ATP5F1A: variants seen among roughly 807,000 people sequenced by gnomAD.
ATP5F1A encodes the protein ATP synthase F(1) complex subunit alpha, mitochondrial.
ATP5F1A carries 24 observed loss-of-function variants against 57.4 expected under a neutral mutation model. That is an observed-to-expected ratio of 0.42 (90% CI 0.30 to 0.59). ATP5F1A has a LOEUF of 0.59. Ranked by LOEUF, ATP5F1A falls within the 20% of genes least tolerant of loss-of-function variation. The pLI is 0.19. For synonymous variants in ATP5F1A, 251 were observed against 255.5 expected (o/e 0.98, Z 0.17); for missense variants, 494 against 707.9 (o/e 0.70, Z 3.43).
At position 46,094,699 on chromosome 18, in the gene ATP5F1A, A is replaced by G. The variant is rs543120326; in HGVS notation, c.139+354T>C. Reference sequence around the variant, plus strand: ...AGAAAACGAATAAGAAAACCTATCAATAAGAACTTACATTTTTTCTAATGC... The same window carrying G: ...AGAAAACGAATAAGAAAACCTATCAGTAAGAACTTACATTTTTTCTAATGC... On this transcript the variant is annotated intron_variant, in intron 2 of 11. Coordinates refer to ENST00000398752, the MANE Select transcript of ATP5F1A (RefSeq NM_004046.6). 8.4e-5 allele frequency: 14 copies of G among 166,886 alleles called. No individual in the cohort carries two copies. The South Asian group carries it at 1.8e-3, about 21-fold the overall frequency. The allele number at this position is 166,886 out of a possible 1,614,324, so 10.3% of individuals were successfully genotyped here.
At chr18:46,092,299 A>T (rs1027759169) in intron 2 of ATP5F1A, 1 of 151,098 alleles carries the variant, frequency 6.6e-6, no homozygotes, top group Non-Finnish European at 1.5e-5. Flanking sequence ...TGATCATAAT[A>T]ATCCAAATAT....
rs1356586324 is a variant in ATP5F1A at position 46,083,206 on chromosome 18, A to C, written c.*1076T>G. 1 of 151,996 alleles carries C rather than the reference A, an allele frequency of 6.6e-6. No homozygotes were observed. 9.4% of individuals were successfully genotyped at this position (151,996 alleles called of 1,614,324 possible). A position where few individuals can be genotyped will look rare whatever the true frequency, so the allele number is the denominator to read the frequency against. ...TGTAATCCCAGCACTTTGGGAGACC[A>C]AGGCAGGAGGATCACTTGAGCCAAG... On this transcript the variant is annotated 3_prime_UTR_variant, in exon 12 of 12. Transcript: ENST00000398752.
At chr18:46,091,499 A>G (rs1676715012) in intron 3 of ATP5F1A, among the ~76,000 whole-genome samples, 183 bp downstream of exon 3, 1 of 152,216 alleles carries the variant, frequency 6.6e-6, no homozygotes, top group Admixed American at 6.5e-5. Flanking sequence ...CCTAGAGTAA[A>G]AAAACTTGGC....
At position 46,080,575 on chromosome 18, in the gene ATP5F1A, A is replaced by C. The variant is rs1276805091; in HGVS notation, c.*3707T>G. 6.6e-6 allele frequency: 1 copy of C among 152,148 alleles called. No individual in the cohort carries two copies. Among genetic ancestry groups the C allele is most frequent in the Non-Finnish European group, 1.5e-5 (1 of 68,056 alleles). The allele number at this position is 152,148 out of a possible 1,614,324, so 9.4% of individuals were successfully genotyped here. A position where few individuals can be genotyped will look rare whatever the true frequency, so the allele number is the denominator to read the frequency against. On this transcript the variant is annotated 3_prime_UTR_variant, in exon 12 of 12. Coordinates refer to ENST00000398752, the MANE Select transcript of ATP5F1A (RefSeq NM_004046.6). Reference sequence around the variant, plus strand: ...CTATAGCTCAGCAAAAACACCAGGGAAAGGACTATACAGTTTTAGGGGAGA... The same window carrying C: ...CTATAGCTCAGCAAAAACACCAGGGCAAGGACTATACAGTTTTAGGGGAGA...
upstream of ATP5F1A, chr18:46,098,523 C>A (rs1252032160): frequency 1.6e-6 from 1 of 640,970 alleles, no homozygotes; most frequent in Non-Finnish European, 1.9e-6. Flanking sequence ...TTTGAGTCGA[C>A]CTTGTGGTTG....
In ATP5F1A at chr18:46,080,889, G is replaced by A. The variant is rs1184809895; in HGVS notation, c.*3393C>T. The A allele has an allele frequency of 2.0e-5, 3 of 151,718 alleles. No individual in the cohort carries two copies. The highest frequency in any genetic ancestry group is 2.9e-5 in the Non-Finnish European group (2 of 67,964). 9.4% of individuals were successfully genotyped at this position (151,718 alleles called of 1,614,324 possible). The stretch of plus-strand genomic sequence containing the variant: ...TCACGCCTGTAATCCCAGCACTTTA[G>A]GAGGTCGAGGCACGTGGATCATCTA... On this transcript the variant is annotated 3_prime_UTR_variant, in exon 12 of 12. Coordinates refer to ENST00000398752, the MANE Select transcript of ATP5F1A (RefSeq NM_004046.6).
intron 2 of ATP5F1A, among the ~76,000 whole-genome samples, chr18:46,094,322 G>A (rs902180783): frequency 4.6e-5 from 7 of 152,024 alleles, no homozygotes; most frequent in Admixed American, 1.3e-4. Context: ...CATCTGTAAT[G>A]TGCAAGTTCA....
upstream of ATP5F1A, among the ~76,000 whole-genome samples, chr18:46,100,487 G>A (rs1294575688): frequency 6.6e-6 from 1 of 152,092 alleles, no homozygotes; most frequent in Non-Finnish European, 1.5e-5. Context: ...GCTCATGCCT[G>A]TAATCCCAAC....
intron 1 of ATP5F1A, among the ~76,000 whole-genome samples, chr18:46,095,683 C>T (rs1399484220): frequency 1.3e-5 from 2 of 151,632 alleles, no homozygotes; most frequent in Admixed American, 6.6e-5. Flanking sequence ...GTGGCTCAAT[C>T]ACGGCTCACT....
intron 5 of ATP5F1A, 102 bp downstream of exon 5, chr18:46,089,464 A>T: frequency 2.2e-6 from 3 of 1,348,412 alleles, no homozygotes; most frequent in Non-Finnish European, 3.1e-6. Flanking sequence ...CTCGTATTAG[A>T]TTCTAATGTC....
upstream of ATP5F1A, chr18:46,099,326 C>T (rs958845718): frequency 6.6e-6 from 1 of 151,066 alleles, no homozygotes; most frequent in East Asian, 1.9e-4. Flanking sequence ...TTTTTTTTCT[C>T]CACAGAATTA....
intron 2 of ATP5F1A, among the ~76,000 whole-genome samples, chr18:46,094,164 T>C (rs8089943): frequency 1.9e-4 from 29 of 149,040 alleles, no homozygotes; most frequent in African/African-American, 4.2e-4. Flanking sequence ...TGTGTACACA[T>C]ACACACACAC....
upstream of ATP5F1A, among the ~76,000 whole-genome samples, chr18:46,099,106 A>T (rs1414989322): frequency 6.6e-6 from 1 of 152,190 alleles, no homozygotes; most frequent in Admixed American, 6.5e-5. Flanking sequence ...AATTAAAAAA[A>T]ATATATCAAC....
intron 1 of ATP5F1A, among the ~76,000 whole-genome samples, chr18:46,096,500 CAAAAA>C (rs770383471): frequency 3.1e-4 from 22 of 70,646 alleles, no homozygotes; most frequent in Non-Finnish European, 4.2e-4. Context: ...AACTCCGTCT[CAAAAA>C]AAAAAAAAAA....
intron 5 of ATP5F1A, 29 bp downstream of exon 5, chr18:46,089,537 G>C (rs1030905058): frequency 1.9e-6 from 3 of 1,609,472 alleles, no homozygotes; most frequent in Non-Finnish European, 2.5e-6. Context: ...ATTTTAGTTA[G>C]AACTTTTAAT....
chr18:46,085,465 C>T (rs948353012), intron 10 of ATP5F1A: 7 of 150,604 alleles, frequency 4.6e-5, no homozygotes, highest in African/African-American at 1.7e-4. Context: ...CCTGTCTCTA[C>T]AAAATACAAA....
intron 2 of ATP5F1A, among the ~76,000 whole-genome samples, chr18:46,092,534 G>C (rs1910640165): frequency 6.6e-6 from 1 of 151,472 alleles, no homozygotes; most frequent in African/African-American, 2.4e-5. Context: ...CTTGAACCTG[G>C]GAGGTGGAAG....
rs748169393 is a variant in ATP5F1A, at chr18:46,098,185, C to T, written c.47G>A (p.Arg16Gln). The change falls in exon 1 of 12, where the codon CGG becomes CAG. Residue 16 changes from arginine (R) to glutamine (Q), a missense_variant. Arg to Gln is a conservative substitution (Grantham distance 43). Coordinates refer to ENST00000398752, the MANE Select transcript of ATP5F1A (RefSeq NM_004046.6). Reference sequence around the variant, plus strand: ...TTCGGTGCTCACCAGTCCGGCCCGCCGAGGAAGGGCGCGGACCACGGCCGC... The same window carrying T: ...TTCGGTGCTCACCAGTCCGGCCCGCTGAGGAAGGGCGCGGACCACGGCCGC... ...VAAAVVRALP[R>Q]RAGLVSRNAL... 7 of 1,605,280 alleles carry T rather than the reference C, an allele frequency of 4.4e-6. No individual in the cohort carries two copies. Among genetic ancestry groups the T allele is most frequent in the Non-Finnish European group, 5.1e-6 (6 of 1,178,858 alleles).
chr18:46,089,410 G>T, intron 5 of ATP5F1A, 156 bp downstream of exon 5: 1 of 833,652 alleles, frequency 1.2e-6, no homozygotes, highest in East Asian at 2.7e-5. Context: ...AGGTGTGGAG[G>T]GGCTGGCCCC....
Sources: allele counts gnomAD v4.1 joint callset (sites outside exome capture counted in the v4.1 genomes callset), GRCh38; gene constraint gnomAD v4.1.1; transcripts MANE v1.5; gene names NCBI Gene and HGNC (gene_info 2026-07-23, HGNC 2026-07-21).